MAP7: variants seen among roughly 807,000 people sequenced by gnomAD.
The protein encoded by MAP7 is ensconsin.
A neutral mutation model predicts 94.8 loss-of-function variants in MAP7; 52 were observed. That is an observed-to-expected ratio of 0.55 (90% CI 0.44 to 0.69). MAP7 has a LOEUF of 0.69. MAP7 is among the 30% of genes least tolerant of loss of function. The pLI, the probability that MAP7 is intolerant of heterozygous loss-of-function variation, is 0.00. For synonymous variants in MAP7, 350 were observed against 357.0 expected (o/e 0.98, Z 0.22); for missense variants, 940 against 964.6 (o/e 0.97, Z 0.34).
intron 10 of MAP7, among the ~76,000 whole-genome samples, chr6:136,363,715 T>C (rs1793489625): frequency 6.6e-6 from 1 of 152,098 alleles, no homozygotes; most frequent in African/African-American, 2.4e-5. Flanking sequence ...CTGGCAGAGG[T>C]GAGAACCAGT....
intron 2 of MAP7, among the ~76,000 whole-genome samples, chr6:136,413,635 G>C (rs759512618): frequency 2.6e-5 from 4 of 151,922 alleles, no homozygotes; most frequent in South Asian, 2.1e-4. Context: ...TTACTTTTGA[G>C]ACAGAGTCTC....
At chr6:136,485,600 TC>T (rs1814426754) in intron 1 of MAP7, among the ~76,000 whole-genome samples, 1 of 143,052 alleles carries the variant, frequency 7.0e-6, no homozygotes, top group Admixed American at 7.1e-5. Flanking sequence ...TCTCGCTCTG[TC>T]GCCCAGGCTG....
In MAP7 at chr6:136,360,745, T is replaced by C. The variant is rs756756053; in HGVS notation, c.1755A>G (p.Arg585=). The change falls in exon 13 of 18, where the codon CGA becomes CGG. Residue 585 remains arginine (R), a synonymous_variant. Transcript: ENST00000354570. Reference sequence around the variant, plus strand: ...GCTCTTCTCTCTGGAAATGCTTCTCTCGTTCCTGCCGGACCCTCTCTGCTT... The same window carrying C: ...GCTCTTCTCTCTGGAAATGCTTCTCCCGTTCCTGCCGGACCCTCTCTGCTT... ...REEAERVRQE[R]EKHFQREEQE... is the part of the protein sequence containing the mutation. 1.2e-6 allele frequency: 2 copies of C among 1,614,154 alleles called. No individual in the cohort carries two copies. The highest frequency in any genetic ancestry group is 2.2e-5 in the East Asian group (1 of 44,872).
chr6:136,421,281 G>C (rs1791258304), intron 2 of MAP7, among the ~76,000 whole-genome samples: 1 of 152,164 alleles, frequency 6.6e-6, no homozygotes, highest in Admixed American at 6.5e-5. Flanking sequence ...TTTTGAAAAA[G>C]TCACAAAAGA....
rs1793175508 is a variant in MAP7 at position 136,362,667 on chromosome 6, G to C, written c.1309C>G (p.Pro437Ala). The C allele has an allele frequency of 6.2e-7, 1 of 1,607,234 alleles. No individual in the cohort carries two copies. The highest frequency in any genetic ancestry group is 2.2e-5 in the East Asian group (1 of 44,790). ...PAMAPAPASA[P>A]APASAPAPAP... is the part of the protein sequence containing the mutation. Reference sequence around the variant, plus strand: ...GGAGCTGGGGCCGAGGCTGGAGCTGGGGCCGAGGCTGGAGCTGGGGCCATG... The same window carrying C: ...GGAGCTGGGGCCGAGGCTGGAGCTGCGGCCGAGGCTGGAGCTGGGGCCATG... The change falls in exon 11 of 18, where the codon CCA (proline) becomes GCA (alanine). Residue 437 changes from proline to alanine, a missense_variant. Coordinates refer to ENST00000354570, the MANE Select transcript of MAP7 (RefSeq NM_003980.6).
At chr6:136,423,782 G>GTTTTTTTTTTTTTTTTTTTTTT (rs60134746) in intron 1 of MAP7, among the ~76,000 whole-genome samples, 2 of 136,144 alleles carry the variant, frequency 1.5e-5, no homozygotes, top group Non-Finnish European at 3.0e-5. Context: ...AGGGAGTTGT[G>GTTTTTTTTTTTTTTTTTTTTTT]TTTTTTTTTT....
chr6:136,437,998 T>C (rs1352432777), intron 1 of MAP7, among the ~76,000 whole-genome samples: 1 of 152,160 alleles, frequency 6.6e-6, no homozygotes, highest in African/African-American at 2.4e-5. Context: ...CCTAGGAAGG[T>C]CTACAGAGAG....
chr6:136,358,886 C>A (rs1006691552), intron 15 of MAP7, among the ~76,000 whole-genome samples: 1 of 152,128 alleles, frequency 6.6e-6, no homozygotes, highest in Non-Finnish European at 1.5e-5. Context: ...GCTGCGTAAG[C>A]CTGGCCTGTC....
chr6:136,440,650 C>T (rs192980001), intron 1 of MAP7, among the ~76,000 whole-genome samples: 2 of 152,100 alleles, frequency 1.3e-5, no homozygotes, highest in Admixed American at 1.3e-4. Flanking sequence ...TTGTATATTA[C>T]ATGTTTACTG....
At chr6:136,447,042 T>G (rs1799567878) in intron 1 of MAP7, among the ~76,000 whole-genome samples, 1 of 152,200 alleles carries the variant, frequency 6.6e-6, no homozygotes, top group South Asian at 2.1e-4. Context: ...TTACACAACT[T>G]CATGAGCAGC....
chr6:136,355,925 T>G (rs1582650250), intron 16 of MAP7, among the ~76,000 whole-genome samples: 1 of 152,364 alleles, frequency 6.6e-6, no homozygotes, highest in East Asian at 1.9e-4. Context: ...AAAGGCAATC[T>G]TTCTGAAATC....
intron 1 of MAP7, among the ~76,000 whole-genome samples, chr6:136,424,439 T>C (rs1303731155): frequency 6.6e-6 from 1 of 152,108 alleles, no homozygotes; most frequent in Non-Finnish European, 1.5e-5. Context: ...TGTATTCCAT[T>C]AGTGTCACAT....
chr6:136,517,617 G>A (rs1443369082), intron 1 of MAP7, among the ~76,000 whole-genome samples: 1 of 152,138 alleles, frequency 6.6e-6, no homozygotes, highest in Non-Finnish European at 1.5e-5. Context: ...GGGAATCTGA[G>A]GCTTAGAAAG....
chr6:136,509,078 G>A (rs1448974883), intron 1 of MAP7, among the ~76,000 whole-genome samples: 1 of 152,204 alleles, frequency 6.6e-6, no homozygotes. Context: ...AGCATCTGTA[G>A]TTATAATGGC....
rs1165659098 is a variant in MAP7, at chr6:136,450,184, CAAAAAT to C, written c.68-28391_68-28386del. The stretch of plus-strand genomic sequence containing the variant: ...GGGTGACAAGAGCAAAACTCTGTCT[CAAAAAT>C]AAAAATAAAAATACCATTTGGCTTC... On this transcript the variant is annotated intron_variant, in intron 1 of 17. Coordinates refer to ENST00000354570, the MANE Select transcript of MAP7 (RefSeq NM_003980.6). Among the ~76,000 whole-genome samples, 12 of 152,216 alleles carry C rather than the reference CAAAAAT, an allele frequency of 7.9e-5. No individual in the cohort carries two copies. In the East Asian group the frequency reaches 1.9e-3, roughly 25 times the overall value.
At chr6:136,413,075 C>T (rs764217514) in intron 2 of MAP7, among the ~76,000 whole-genome samples, 7 of 151,950 alleles carry the variant, frequency 4.6e-5, no homozygotes, top group African/African-American at 1.7e-4. Flanking sequence ...GGCAGGAGAA[C>T]GGCTTGAACT....
At chr6:136,376,494 T>A (rs144907638) in intron 7 of MAP7, among the ~76,000 whole-genome samples, 31 of 152,332 alleles carry the variant, frequency 2.0e-4, no homozygotes, top group Non-Finnish European at 3.7e-4. Context: ...AATATTGAAA[T>A]AAGCTGTACT....
chr6:136,474,669 T>A (rs1229113872), intron 1 of MAP7, among the ~76,000 whole-genome samples: 1 of 152,170 alleles, frequency 6.6e-6, no homozygotes, highest in East Asian at 1.9e-4. Flanking sequence ...CTCTATATTT[T>A]ATGTAGTTTA....
intron 1 of MAP7, among the ~76,000 whole-genome samples, chr6:136,434,701 T>G (rs1310414890): frequency 2.0e-5 from 3 of 151,642 alleles, no homozygotes; most frequent in Non-Finnish European, 4.4e-5. Context: ...CTAAATGTAG[T>G]AACAAAACAA....
Sources: gnomAD v4.1 joint callset for allele counts (sites outside exome capture counted in the v4.1 genomes callset) on GRCh38, gnomAD v4.1.1 for gene constraint, MANE v1.5 for transcripts, NCBI Gene and HGNC (gene_info 2026-07-23, HGNC 2026-07-21) for gene names.